GPR89A: variants seen among roughly 807,000 people sequenced by gnomAD.
The protein encoded by GPR89A is golgi pH regulator A, also known as G protein-coupled receptor 89A.
In GPR89A, 16 loss-of-function variants were observed where a neutral mutation model predicts 52.0. The observed-to-expected ratio is 0.31, with a 90% CI of 0.21 to 0.47. The LOEUF is 0.47. Ranked by LOEUF, GPR89A falls within the 20% of genes least tolerant of loss-of-function variation. The probability of loss-of-function intolerance (pLI) is 1.00; values close to 1 mark genes in which losing one functional copy is unlikely to be tolerated. For synonymous variants in GPR89A, 55 were observed against 150.9 expected, an observed-to-expected ratio of 0.36 and a Z score of 4.66; for missense variants, 135 against 449.4, an observed-to-expected ratio of 0.30 and a Z score of 6.33.
intron 10 of GPR89A, among the ~76,000 whole-genome samples, chr1:145,649,761 C>T (rs1467220227): frequency 6.7e-6 from 1 of 149,446 alleles, no homozygotes; most frequent in Non-Finnish European, 1.5e-5. Context: ...TTTACATTTC[C>T]ACCTGCACTG....
chr1:145,637,195 T>C (rs1553690929), intron 7 of GPR89A, among the ~76,000 whole-genome samples: 1 of 151,064 alleles, frequency 6.6e-6, no homozygotes, highest in African/African-American at 2.4e-5. Context: ...ACAGTTTGGA[T>C]GACAGAAAGT....
chr1:145,668,346 G>A (rs1411302224), intron 12 of GPR89A, among the ~76,000 whole-genome samples: 21 of 152,084 alleles, frequency 1.4e-4, no homozygotes, highest in Admixed American at 7.9e-4. Flanking sequence ...GTGAATGGGC[G>A]TTCACTCATG....
intron 3 of GPR89A, among the ~76,000 whole-genome samples, chr1:145,620,710 C>G: frequency 6.6e-6 from 1 of 150,716 alleles, no homozygotes; most frequent in East Asian, 1.9e-4. Context: ...GACTCAGAAT[C>G]GTTTTGAAAA....
chr1:145,615,886 C>T (rs1264045115), intron 1 of GPR89A, among the ~76,000 whole-genome samples: 1 of 152,090 alleles, frequency 6.6e-6, no homozygotes, highest in Non-Finnish European at 1.5e-5. Context: ...TCCCAAAGTG[C>T]TGGGATTACA....
chr1:145,647,815 T>C (rs1182918145), intron 10 of GPR89A, among the ~76,000 whole-genome samples: 41,900 of 43,786 alleles, frequency 0.96, 20,056 homozygotes, highest in East Asian at 0.99. Context: ...CTCTCTCTCT[T>C]CGTCGTCGTC....
intron 7 of GPR89A, among the ~76,000 whole-genome samples, chr1:145,637,092 T>A (rs1211186941): frequency 6.6e-6 from 1 of 152,194 alleles, no homozygotes; most frequent in African/African-American, 2.4e-5. Context: ...AGAGAGTCTA[T>A]GCTTGATATA....
At position 145,629,572 on chromosome 1, in the gene GPR89A, A is replaced by G. The variant is rs1184230110; in HGVS notation, c.416-1115A>G. Among the ~76,000 whole-genome samples, 5 of 152,196 alleles carry G rather than the reference A, an allele frequency of 3.3e-5. 1 individual carries two copies. The highest frequency in any genetic ancestry group is 5.9e-5 in the Non-Finnish European group (4 of 68,040). ...ACCATACATTTGTAATGGCTCCAAA[A>G]TCAGTACGCATTCTAGCAATTTGAG... is the stretch of plus-strand genomic sequence containing the variant. On this transcript the variant is annotated intron_variant, in intron 5 of 13. Transcript: ENST00000313835.
chr1:145,622,906 G>A (rs1649234610), intron 3 of GPR89A, 148 bp from the exon 4 acceptor site: 1 of 1,135,490 alleles, frequency 8.8e-7, no homozygotes, highest in Admixed American at 2.6e-5. Flanking sequence ...CTCTACAAAT[G>A]AGTAGATTTT....
intron 12 of GPR89A, among the ~76,000 whole-genome samples, chr1:145,666,760 G>A (rs1222232882): frequency 7.1e-6 from 1 of 140,286 alleles, no homozygotes; most frequent in Non-Finnish European, 1.5e-5. Flanking sequence ...GTGTCCAAGT[G>A]TTCTCATTGT....
rs1467141596 is a variant in GPR89A, at chr1:145,648,795, G to GTCTT, written c.909+1529_909+1530insCTTT. 5.7e-5 allele frequency among the ~76,000 whole-genome samples: 6 copies of GTCTT among 105,408 alleles called. 3 individuals are homozygous for GTCTT. The highest frequency in any genetic ancestry group is 7.5e-5 in the African/African-American group (2 of 26,692). 69.2% of individuals were successfully genotyped at this position (105,408 alleles called of 152,430 possible). ...CATCACACCCGGCCTAGGGAAGCAT[G>GTCTT]TTCTTTTTTTTTTTTTTTTTTGTTG... On this transcript the variant is annotated intron_variant, in intron 10 of 13. Coordinates refer to ENST00000313835, the MANE Select transcript of GPR89A (RefSeq NM_001097612.2).
At chr1:145,623,215 A>G in intron 4 of GPR89A, 55 bp downstream of exon 4, 2 of 1,584,304 alleles carry the variant, frequency 1.3e-6, no homozygotes, top group Non-Finnish European at 1.7e-6. Flanking sequence ...ATTTGAGGGG[A>G]CTTAAATTGT....
intron 1 of GPR89A, among the ~76,000 whole-genome samples, chr1:145,609,696 C>T (rs1273290290): frequency 2.6e-5 from 4 of 152,142 alleles, no homozygotes; most frequent in Non-Finnish European, 2.9e-5. Context: ...ATAATTGATA[C>T]GTTGAACCGA....
At chr1:145,654,361 G>A (rs1203927813) in intron 10 of GPR89A, among the ~76,000 whole-genome samples, 3 of 151,712 alleles carry the variant, frequency 2.0e-5, no homozygotes, top group African/African-American at 4.8e-5. Flanking sequence ...AGACCATCCT[G>A]GCTAACACGG....
At chr1:145,630,332 A>C (rs1361898342) in intron 5 of GPR89A, among the ~76,000 whole-genome samples, 2 of 11,244 alleles carry the variant, frequency 1.8e-4, no homozygotes, top group Non-Finnish European at 3.5e-4. Context: ...CAGCAGATTT[A>C]CTTTCTTAGT....
In GPR89A at chr1:145,647,172, C is replaced by T. The variant is rs1553692717; in HGVS notation, c.817-3C>T. 2.6e-6 allele frequency: 4 copies of T among 1,563,548 alleles called. No individual in the cohort carries two copies. The highest frequency in any genetic ancestry group is 2.6e-6 in the Non-Finnish European group (3 of 1,153,046). Reference sequence around the variant, plus strand: ...ACTATGTTTTGTGTTTGTTTTCCCCCAGGAGAGAATAGAATACTCCAAAAC... The same window carrying T: ...ACTATGTTTTGTGTTTGTTTTCCCCTAGGAGAGAATAGAATACTCCAAAAC... On this transcript the variant is annotated splice_region_variant and splice_polypyrimidine_tract_variant and intron_variant, in intron 9 of 13. Coordinates refer to ENST00000313835, the MANE Select transcript of GPR89A (RefSeq NM_001097612.2).
intron 10 of GPR89A, among the ~76,000 whole-genome samples, chr1:145,654,970 G>C (rs1651713462): frequency 6.7e-6 from 1 of 149,798 alleles, no homozygotes; most frequent in Non-Finnish European, 1.5e-5. Context: ...TAATCCCATA[G>C]TTCTCAGAGG....
chr1:145,647,831 T>C (rs1223026485), intron 10 of GPR89A, among the ~76,000 whole-genome samples: 25,462 of 29,368 alleles, frequency 0.87, 10,951 homozygotes, highest in South Asian at 0.94. Flanking sequence ...TCGTCGACTC[T>C]CTCTCTCTCT....
chr1:145,621,313 GAATT>G (rs1291085037), intron 3 of GPR89A, among the ~76,000 whole-genome samples: 1 of 148,858 alleles, frequency 6.7e-6, no homozygotes, highest in Non-Finnish European at 1.5e-5. Context: ...TTCCTTTGAG[GAATT>G]AATTTTTATT....
intron 7 of GPR89A, among the ~76,000 whole-genome samples, chr1:145,632,287 C>T (rs1314846120): frequency 2.0e-5 from 3 of 152,022 alleles, no homozygotes; most frequent in East Asian, 1.9e-4. Flanking sequence ...TTGAAATGTG[C>T]AATACATTAT....
Sources: gnomAD v4.1 joint callset for allele counts (sites outside exome capture counted in the v4.1 genomes callset) on GRCh38, gnomAD v4.1.1 for gene constraint, MANE v1.5 for transcripts, NCBI Gene and HGNC (gene_info 2026-07-23, HGNC 2026-07-21) for gene names.